Variants in SASH1 observed in about 807,000 individuals in gnomAD.
SASH1 encodes SAM and SH3 domain containing 1, also known as SAM and SH3 domain-containing protein 1.
SASH1 carries 44 observed loss-of-function variants against 125.2 expected under a neutral mutation model. The ratio of observed to expected loss-of-function variants is 0.35; its 90% CI spans 0.28 to 0.45. The LOEUF (loss-of-function observed/expected upper bound fraction) is 0.45, where lower values mean the gene tolerates loss of function less well. Among genes scored for constraint, SASH1 ranks in the 20% least tolerant of loss-of-function variants. SASH1 has a pLI of 1.00. For missense variants in SASH1, 1,426 were observed against 1,614.5 expected (o/e 0.88, Z 2.00); for synonymous variants, 639 against 649.1 (o/e 0.98, Z 0.24).
intron 1 of SASH1, among the ~76,000 whole-genome samples, chr6:148,335,301 A>C (rs1033792373): frequency 1.5e-5 from 2 of 134,958 alleles, no homozygotes; most frequent in African/African-American, 5.3e-5. Context: ...CTGTCTCAGG[A>C]AAAAAAAAAA....
intron 8 of SASH1, chr6:148,512,598 T>G: frequency 3.0e-6 from 3 of 984,910 alleles, no homozygotes; most frequent in Non-Finnish European, 3.6e-6. Context: ...ACAAAACCAT[T>G]TTGTATTATG....
rs57183555 is a variant in SASH1 at position 148,356,494 on chromosome 6, C to CT, written c.156+13291dup. On this transcript the variant is annotated intron_variant, in intron 1 of 19. Transcript: ENST00000367467. ...TCAAATGGTAGATCTACTTTTAGTT[C>CT]TTTTTTTTTTTTTTTTTTTTGAGAC... Among the ~76,000 whole-genome samples, 97 of 116,264 alleles carry CT rather than the reference C, an allele frequency of 8.3e-4. 2 individuals carry two copies. The highest frequency in any genetic ancestry group is 1.5e-3 in the East Asian group (5 of 3,448). 76.3% of individuals were successfully genotyped at this position (116,264 alleles called of 152,430 possible).
intron 19 of SASH1, among the ~76,000 whole-genome samples, chr6:148,547,494 A>G (rs1782640994): frequency 6.6e-6 from 1 of 152,214 alleles, no homozygotes; most frequent in South Asian, 2.1e-4. Context: ...GGGGGTGGCT[A>G]TTGTATTTCA....
the SASH1 span, among the ~76,000 whole-genome samples, chr6:148,258,439 T>C: frequency 2.6e-5 from 4 of 152,286 alleles, no homozygotes; most frequent in South Asian, 2.1e-4. Context: ...AAATAGATAC[T>C]TTTATTACCC....
chr6:148,504,514 C>T (rs994009234), intron 8 of SASH1, among the ~76,000 whole-genome samples: 1 of 152,064 alleles, frequency 6.6e-6, no homozygotes. Context: ...ACCCAGAGAA[C>T]AGGACCAGCA....
intron 1 of SASH1, among the ~76,000 whole-genome samples, chr6:148,275,502 G>T (rs1377918922): frequency 1.3e-5 from 2 of 152,028 alleles, no homozygotes; most frequent in African/African-American, 4.8e-5. Flanking sequence ...ACTCTTCTGT[G>T]ATGCCCCAGT....
intron 4 of SASH1, among the ~76,000 whole-genome samples, chr6:148,454,514 G>T (rs550648564): frequency 6.6e-6 from 1 of 152,152 alleles, no homozygotes; most frequent in Non-Finnish European, 1.5e-5. Flanking sequence ...GCTGACTGGG[G>T]GTTCTCTTAG....
In SASH1 at chr6:148,377,754, G is replaced by A. The variant is rs370634456; in HGVS notation, c.157-12380G>A. Reference sequence around the variant, plus strand: ...GGTTGGAATTCTGTGCCACTCATGTGATATAACTTGGTCCCATCAAATAAT... The same window carrying A: ...GGTTGGAATTCTGTGCCACTCATGTAATATAACTTGGTCCCATCAAATAAT... On this transcript the variant is annotated intron_variant, in intron 1 of 19. Coordinates refer to ENST00000367467, the MANE Select transcript of SASH1 (RefSeq NM_015278.5). Among the ~76,000 whole-genome samples the A allele has an allele frequency of 6.9e-4, 105 of 152,294 alleles. No individual in the cohort carries two copies. In the South Asian group the frequency reaches 0.011, roughly 16 times the overall value.
At chr6:148,508,199 GGA>G in intron 8 of SASH1, among the ~76,000 whole-genome samples, 1 of 152,138 alleles carries the variant, frequency 6.6e-6, no homozygotes, top group African/African-American at 2.4e-5. Context: ...AAAGGAATGG[GGA>G]GAGAGAGAGA....
At chr6:148,415,619 T>C (rs1336188455) in intron 2 of SASH1, among the ~76,000 whole-genome samples, 1 of 152,138 alleles carries the variant, frequency 6.6e-6, no homozygotes, top group Admixed American at 6.5e-5. Context: ...GAAAGATAAA[T>C]ACAAATAGGT....
the SASH1 span, among the ~76,000 whole-genome samples, chr6:148,247,374 A>G: frequency 2.0e-5 from 3 of 152,202 alleles, no homozygotes; most frequent in Non-Finnish European, 2.9e-5. Context: ...ATCCTGAGAA[A>G]TTATAATGAC....
chr6:148,363,888 G>A (rs1191297291), intron 1 of SASH1, among the ~76,000 whole-genome samples: 1 of 151,966 alleles, frequency 6.6e-6, no homozygotes, highest in Non-Finnish European at 1.5e-5. Context: ...ACCACTTATA[G>A]GATATTTTAT....
In SASH1 at chr6:148,399,404, T is replaced by A. The variant is rs112907795; in HGVS notation, c.285+9142T>A. The stretch of plus-strand genomic sequence containing the variant: ...CCACACCCAGCTAATTTTTGTATTT[T>A]TAGTAGAGATGAGGTTTCACCATGT... On this transcript the variant is annotated intron_variant, in intron 2 of 19. Transcript: ENST00000367467. Among the ~76,000 whole-genome samples, 888 of 151,970 alleles carry A rather than the reference T, an allele frequency of 5.8e-3. 7 individuals are homozygous for A. Among genetic ancestry groups the A allele is most frequent in the African/African-American group, 0.02 (823 of 41,414 alleles).
At chr6:148,483,530 G>A (rs1778717971) in intron 7 of SASH1, among the ~76,000 whole-genome samples, 1 of 152,198 alleles carries the variant, frequency 6.6e-6, no homozygotes, top group Non-Finnish European at 1.5e-5. Context: ...GAAGGATGAA[G>A]TTGGACAGAG....
At chr6:148,354,580 C>T (rs1781854481) in intron 1 of SASH1, among the ~76,000 whole-genome samples, 1 of 151,886 alleles carries the variant, frequency 6.6e-6, no homozygotes, top group Non-Finnish European at 1.5e-5. Flanking sequence ...CATCTTTGAG[C>T]TTTAATTAAG....
rs763782229 is a variant in SASH1 at position 148,544,643 on chromosome 6, C to A, written c.3173C>A (p.Pro1058His). Reference protein sequence around the residue: ...APGSPPSTRPPPWLSELPENT... With the variant: ...APGSPPSTRPHPWLSELPENT... ...GGCAGCCCACCAAGCACAAGGCCGC[C>A]CCCCTGGCTCTCAGAGCTCCCCGAG... The change falls in exon 18 of 20, where the codon CCC (proline) becomes CAC (histidine). Residue 1058 changes from proline to histidine, a missense_variant. Around this residue, in one of 3 missense-constraint regions of SASH1, gnomAD observed 634 missense variants for 694.4 expected, o/e 0.91. Transcript: ENST00000367467. The surrounding 1 kb of genome is among the most constrained non-coding windows in gnomAD (Gnocchi z 6.4). 1 of 1,613,456 alleles carries A rather than the reference C, an allele frequency of 6.2e-7. No individual in the cohort carries two copies. Among genetic ancestry groups the A allele is most frequent in the African/African-American group, 1.3e-5 (1 of 75,046 alleles).
rs1335525341 is a variant in SASH1 at position 148,342,910 on chromosome 6, G to A, written c.-158G>A. The A allele has an allele frequency of 7.1e-6, 4 of 565,578 alleles. No individual in the cohort carries two copies. The highest frequency in any genetic ancestry group is 1.4e-4 in the East Asian group (1 of 6,972). 35.0% of individuals were successfully genotyped at this position (565,578 alleles called of 1,614,324 possible). A position where few individuals can be genotyped will look rare whatever the true frequency, so the allele number is the denominator to read the frequency against. ...CCCGAGGTGCGGGCGCCTGCGAAGG[G>A]CCCCCGCGGGGTGGCCGGGGCCGCC... is the stretch of plus-strand genomic sequence containing the variant. On this transcript the variant is annotated 5_prime_UTR_variant, in exon 1 of 20. Transcript: ENST00000367467.
the SASH1 span, among the ~76,000 whole-genome samples, chr6:148,220,862 C>A: frequency 6.6e-6 from 1 of 152,202 alleles, no homozygotes; most frequent in South Asian, 2.1e-4. Context: ...TGCAGTGAGC[C>A]GAGGTCGTGC....
chr6:148,528,505 A>G (rs1390568771), intron 12 of SASH1, among the ~76,000 whole-genome samples: 1 of 152,208 alleles, frequency 6.6e-6, no homozygotes, highest in Non-Finnish European at 1.5e-5. Flanking sequence ...TATGCGAATG[A>G]CCGAACGTCA....
Sources: allele counts gnomAD v4.1 joint callset (sites outside exome capture counted in the v4.1 genomes callset), GRCh38; gene constraint gnomAD v4.1.1; regional missense constraint gnomAD v4.1.1; non-coding constraint Gnocchi (gnomAD v3.1); transcripts MANE v1.5; gene names NCBI Gene and HGNC (gene_info 2026-07-23, HGNC 2026-07-21).